The following SEM1 variants were observed in gnomAD, a reference collection of about 807,000 sequenced individuals.
SEM1 encodes 26S proteasome complex subunit SEM1.
Under a neutral mutation model 12.7 loss-of-function variants are expected in SEM1, and 3 were observed. The ratio of observed to expected loss-of-function variants is 0.24; its 90% CI spans 0.11 to 0.61. The LOEUF (loss-of-function observed/expected upper bound fraction) is 0.61. SEM1 is among the 20% of genes least tolerant of loss of function. SEM1 has a pLI of 0.88. For synonymous variants in SEM1, 30 were observed against 27.8 expected (o/e 1.08, Z -0.25); for missense variants, 59 against 81.3 (o/e 0.73, Z 1.06).
At chr7:96,532,313 G>GA (rs199585413) in intron 2 of SEM1, among the ~76,000 whole-genome samples, 148 of 150,226 alleles carry the variant, frequency 9.9e-4, no homozygotes, top group African/African-American at 3.0e-3. Context: ...AGAAAAGTTT[G>GA]AAAAAAAAAC....
chr7:96,582,757 C>T (rs1167534142), intron 2 of SEM1, among the ~76,000 whole-genome samples: 20 of 152,228 alleles, frequency 1.3e-4, no homozygotes, highest in Non-Finnish European at 2.6e-4. Flanking sequence ...AGTTTATTTG[C>T]GTAGAGGTGT....
At chr7:96,674,016 C>T (rs1229365317) in intron 2 of SEM1, among the ~76,000 whole-genome samples, 3 of 152,082 alleles carry the variant, frequency 2.0e-5, no homozygotes, top group African/African-American at 7.2e-5. Flanking sequence ...CCCTGACTCC[C>T]GCCAGCCAAA....
chr7:96,624,786 G>T (rs1351803516), intron 2 of SEM1, among the ~76,000 whole-genome samples: 1 of 152,062 alleles, frequency 6.6e-6, no homozygotes, highest in Non-Finnish European at 1.5e-5. Flanking sequence ...TAAGGTGTAA[G>T]GTATTTACAT....
At chr7:96,699,290 G>A (rs550115053) in intron 1 of SEM1, among the ~76,000 whole-genome samples, 6 of 151,880 alleles carry the variant, frequency 4.0e-5, no homozygotes, top group East Asian at 3.9e-4. Flanking sequence ...AATTTATTTC[G>A]CCCTTAGTCC....
intron 3 of SEM1, among the ~76,000 whole-genome samples, chr7:96,505,870 G>T (rs1020197670): frequency 6.6e-6 from 1 of 152,054 alleles, no homozygotes; most frequent in African/African-American, 2.4e-5. Context: ...ATTCTAGGGG[G>T]ACACAAACAT....
intron 2 of SEM1, among the ~76,000 whole-genome samples, chr7:96,573,106 CCT>C (rs1471573288): frequency 1.3e-4 from 9 of 69,572 alleles, no homozygotes; most frequent in Admixed American, 1.8e-4. Context: ...GATTGCAACC[CCT>C]GTTTTTTTTT....
intron 2 of SEM1, among the ~76,000 whole-genome samples, chr7:96,561,461 C>A (rs900024418): frequency 2.0e-5 from 3 of 152,148 alleles, no homozygotes; most frequent in African/African-American, 7.2e-5. Flanking sequence ...TAGACTGATG[C>A]CCTGGTCCCC....
chr7:96,542,205 T>C (rs1021254707), intron 2 of SEM1, among the ~76,000 whole-genome samples: 4 of 151,944 alleles, frequency 2.6e-5, no homozygotes, highest in African/African-American at 9.7e-5. Flanking sequence ...ATGGCCATTT[T>C]AACAATACTG....
At chr7:96,499,297 G>T (rs1264692347), upstream of SEM1, among the ~76,000 whole-genome samples, 1 of 152,104 alleles carries the variant, frequency 6.6e-6, no homozygotes, top group Non-Finnish European at 1.5e-5. Flanking sequence ...CTGCAAGTAG[G>T]ATAGAAAGTC....
downstream of SEM1, among the ~76,000 whole-genome samples, chr7:96,617,716 A>G (rs771879516): frequency 7.2e-5 from 11 of 152,146 alleles, no homozygotes; most frequent in Non-Finnish European, 1.3e-4. Context: ...TGTTTCTTCT[A>G]TGCCTAGTTT....
At chr7:96,627,698 T>C (rs1381291180) in intron 2 of SEM1, among the ~76,000 whole-genome samples, 1 of 152,164 alleles carries the variant, frequency 6.6e-6, no homozygotes, top group Non-Finnish European at 1.5e-5. Context: ...ATATGGCCTA[T>C]CCTTGAGAAT....
chr7:96,537,324 A>C (rs1236452611), intron 2 of SEM1, among the ~76,000 whole-genome samples: 4 of 151,724 alleles, frequency 2.6e-5, no homozygotes, highest in African/African-American at 9.7e-5. Flanking sequence ...AAATAAGAGA[A>C]GTAAATGATT....
chr7:96,530,714 C>T (rs1373542379), intron 2 of SEM1, among the ~76,000 whole-genome samples: 3 of 152,088 alleles, frequency 2.0e-5, no homozygotes, highest in African/African-American at 4.8e-5. Context: ...ACCAGAACTC[C>T]TGATGGAGCT....
intron 2 of SEM1, among the ~76,000 whole-genome samples, chr7:96,591,323 T>C (rs1286446037): frequency 6.6e-6 from 1 of 152,176 alleles, no homozygotes; most frequent in Non-Finnish European, 1.5e-5. Flanking sequence ...TTCGGTTAAC[T>C]TCTGAGGTTT....
chr7:96,592,284 A>C (rs752109768), intron 2 of SEM1, among the ~76,000 whole-genome samples: 1 of 151,890 alleles, frequency 6.6e-6, no homozygotes, highest in Non-Finnish European at 1.5e-5. Context: ...GGCTTCGATA[A>C]TTGACCAAGA....
intron 2 of SEM1, among the ~76,000 whole-genome samples, chr7:96,651,493 A>G (rs992884369): frequency 1.3e-5 from 2 of 152,178 alleles, no homozygotes; most frequent in Admixed American, 1.3e-4. Flanking sequence ...TCATAGGTAA[A>G]AGGCATGTGT....
intron 2 of SEM1, among the ~76,000 whole-genome samples, chr7:96,665,114 T>C (rs193062080): frequency 6.6e-6 from 1 of 152,262 alleles, no homozygotes; most frequent in East Asian, 1.9e-4. Context: ...TGGTTTCTCA[T>C]CTTCCCACTG....
chr7:96,495,626 G>A (rs1803210191), intron 1 of SEM1, among the ~76,000 whole-genome samples: 1 of 152,122 alleles, frequency 6.6e-6, no homozygotes, highest in African/African-American at 2.4e-5. Flanking sequence ...GTCAGGAAAT[G>A]ATCAGTATTG....
upstream of SEM1, among the ~76,000 whole-genome samples, chr7:96,498,904 T>C (rs1803402845): frequency 6.6e-6 from 1 of 152,186 alleles, no homozygotes; most frequent in African/African-American, 2.4e-5. Context: ...TGTCCCATTA[T>C]AACTTTTCTG....
Sources: allele counts gnomAD v4.1 joint callset (sites outside exome capture counted in the v4.1 genomes callset), GRCh38; gene constraint gnomAD v4.1.1; transcripts MANE v1.5; gene names NCBI Gene and HGNC (gene_info 2026-07-23, HGNC 2026-07-21).